Variants in PHTF2 observed in about 807,000 individuals in gnomAD.
PHTF2 encodes protein PHTF2.
Under a neutral mutation model 101.2 loss-of-function variants are expected in PHTF2, and 60 were observed. The observed-to-expected ratio is 0.59, with a 90% CI of 0.48 to 0.73. PHTF2 has a LOEUF of 0.73. Ranked by LOEUF, PHTF2 falls within the 30% of genes least tolerant of loss-of-function variation. The pLI, the probability that PHTF2 is intolerant of heterozygous loss-of-function variation, is 0.00. For missense variants in PHTF2, 747 were observed against 908.7 expected (o/e 0.82, Z 2.29); for synonymous variants, 311 against 307.3 (o/e 1.01, Z -0.13).
chr7:77,816,184 C>A (rs1022910903), intron 1 of PHTF2, among the ~76,000 whole-genome samples: 9 of 152,030 alleles, frequency 5.9e-5, no homozygotes, highest in Non-Finnish European at 1.2e-4. Flanking sequence ...AAGTGATTCT[C>A]GTGCCTCAGT....
intron 3 of PHTF2, among the ~76,000 whole-genome samples, chr7:77,882,418 TA>T (rs1236390414): frequency 6.6e-6 from 1 of 152,182 alleles, no homozygotes; most frequent in East Asian, 1.9e-4. Context: ...TTACTTTTTT[TA>T]GTAACACTTT....
intron 2 of PHTF2, among the ~76,000 whole-genome samples, chr7:77,850,739 A>G (rs1289105522): frequency 6.6e-6 from 1 of 151,428 alleles, no homozygotes; most frequent in African/African-American, 2.4e-5. Flanking sequence ...GTTGTGTTTT[A>G]GATCTTTGAG....
intron 3 of PHTF2, among the ~76,000 whole-genome samples, chr7:77,873,159 C>T (rs576861744): frequency 2.0e-5 from 3 of 152,194 alleles, no homozygotes; most frequent in Non-Finnish European, 4.4e-5. Context: ...GATCTCCTGA[C>T]CTCGTGATCC....
At chr7:77,827,587 C>T (rs929730681) in intron 1 of PHTF2, among the ~76,000 whole-genome samples, 1 of 152,060 alleles carries the variant, frequency 6.6e-6, no homozygotes, top group African/African-American at 2.4e-5. Context: ...CTCCTGACTT[C>T]ATGATCTACC....
intron 3 of PHTF2, among the ~76,000 whole-genome samples, chr7:77,867,126 G>C (rs1357984761): frequency 2.0e-5 from 3 of 152,166 alleles, no homozygotes; most frequent in African/African-American, 7.2e-5. Context: ...ATGTTGTTAA[G>C]GCTAAGTTGG....
At chr7:77,927,339 T>C (rs1045854750) in intron 11 of PHTF2, among the ~76,000 whole-genome samples, 1 of 152,048 alleles carries the variant, frequency 6.6e-6, no homozygotes, top group African/African-American at 2.4e-5. Context: ...CTCACGCCTG[T>C]AATCCCTGTA....
chr7:77,911,531 C>T (rs748990969), intron 9 of PHTF2, among the ~76,000 whole-genome samples: 8 of 152,084 alleles, frequency 5.3e-5, no homozygotes, highest in Non-Finnish European at 1.2e-4. Flanking sequence ...ATGAAAGGTA[C>T]TTAATCAAGA....
At chr7:77,942,882 TAGAA>T (rs910875329) in intron 16 of PHTF2, 96 bp downstream of exon 15, 1 of 638,150 alleles carries the variant, frequency 1.6e-6, no homozygotes, top group African/African-American at 1.9e-5. Context: ...TAAGCCTAGT[TAGAA>T]AGTAAGTTTT....
At position 77,843,888 on chromosome 7, in the gene PHTF2, A is replaced by AT. The variant is rs537048462; in HGVS notation, c.45+3592dup. The stretch of plus-strand genomic sequence containing the variant: ...AGTTTTAATATTATAATGTTCTTTG[A>AT]TTTTGTGACTATCATTCAATAGTAT... On this transcript the variant is annotated intron_variant, in intron 2 of 19. Coordinates refer to ENST00000416283, the Ensembl canonical transcript of PHTF2. 1.3e-3 allele frequency among the ~76,000 whole-genome samples: 201 copies of AT among 152,338 alleles called. 1 individual carries two copies. The highest frequency in any genetic ancestry group is 4.5e-3 in the African/African-American group (188 of 41,578).
rs1381299155 is a variant in PHTF2 at position 77,915,991 on chromosome 7, G to GTGTGTC, written c.777-4283_777-4282insCTGTGT. ...TAGATTTGTGTGTCTGTGTGTGTGT[G>GTGTGTC]TGTGTGTGTGTGTGTGTGTAATACT... On this transcript the variant is annotated intron_variant, in intron 9 of 19. Coordinates refer to ENST00000416283, the Ensembl canonical transcript of PHTF2. 5.9e-5 allele frequency among the ~76,000 whole-genome samples: 9 copies of GTGTGTC among 151,856 alleles called. No homozygotes were observed. The East Asian group carries it at 1.7e-3, about 29-fold the overall frequency.
chr7:77,821,954 G>C (rs899087783), intron 1 of PHTF2, among the ~76,000 whole-genome samples: 5 of 152,206 alleles, frequency 3.3e-5, no homozygotes, highest in Non-Finnish European at 7.3e-5. Context: ...CTTGATTGCA[G>C]GTGGAGAGCT....
chr7:77,924,170 A>G, intron 11 of PHTF2: 1 of 938,724 alleles, frequency 1.1e-6, no homozygotes, highest in Non-Finnish European at 1.3e-6. Context: ...TGAATAAATA[A>G]AATGGAAACA....
intron 3 of PHTF2, among the ~76,000 whole-genome samples, chr7:77,867,632 C>A (rs1182165176): frequency 6.6e-6 from 1 of 152,166 alleles, no homozygotes; most frequent in Non-Finnish European, 1.5e-5. Flanking sequence ...TAGTATACTT[C>A]AGTAACTGTG....
chr7:77,908,528 A>G (rs1390870972), intron 7 of PHTF2, among the ~76,000 whole-genome samples: 1 of 152,164 alleles, frequency 6.6e-6, no homozygotes, highest in African/African-American at 2.4e-5. Context: ...ATTCATATGC[A>G]TCTAATTTAC....
intron 1 of PHTF2, among the ~76,000 whole-genome samples, chr7:77,802,821 A>G (rs1792663631): frequency 6.6e-6 from 1 of 151,986 alleles, no homozygotes; most frequent in Non-Finnish European, 1.5e-5. Flanking sequence ...ATAAGCCACC[A>G]CTCCTGGCCA....
intron 3 of PHTF2, among the ~76,000 whole-genome samples, chr7:77,889,380 A>G (rs1800155637): frequency 6.6e-6 from 1 of 152,146 alleles, no homozygotes; most frequent in African/African-American, 2.4e-5. Context: ...GAAACAAACA[A>G]TTTCAGAGAT....
intron 1 of PHTF2, among the ~76,000 whole-genome samples, chr7:77,815,035 C>A (rs1194839784): frequency 1.3e-5 from 2 of 151,906 alleles, no homozygotes; most frequent in Non-Finnish European, 2.9e-5. Flanking sequence ...TGATATCACG[C>A]CCCTGCAGTC....
chr7:77,800,387 A>C (rs1368166099), intron 1 of PHTF2, among the ~76,000 whole-genome samples: 2 of 152,234 alleles, frequency 1.3e-5, no homozygotes, highest in Non-Finnish European at 2.9e-5. Flanking sequence ...CCTCCCACAC[A>C]GACTGGCTGT....
At chr7:77,807,672 G>C (rs546605269) in intron 1 of PHTF2, among the ~76,000 whole-genome samples, 2 of 152,122 alleles carry the variant, frequency 1.3e-5, no homozygotes, top group South Asian at 4.1e-4. Context: ...TGCCTTTTGT[G>C]TCTTTTGATG....
Sources: allele counts gnomAD v4.1 joint callset (sites outside exome capture counted in the v4.1 genomes callset), GRCh38; gene constraint gnomAD v4.1.1; transcripts MANE v1.5; gene names NCBI Gene and HGNC (gene_info 2026-07-23, HGNC 2026-07-21).